Variants in SPTBN5 observed in about 807,000 individuals in gnomAD.
SPTBN5 encodes spectrin beta chain, non-erythrocytic 5.
Under a neutral mutation model 477.6 loss-of-function variants are expected in SPTBN5, and 513 were observed. That is an observed-to-expected ratio of 1.07 (90% confidence interval 1.00 to 1.16). The LOEUF (loss-of-function observed/expected upper bound fraction) is 1.16, where lower values mean the gene tolerates loss of function less well. Ranked by LOEUF, SPTBN5 falls within the 50% of genes most tolerant of loss-of-function variation. The pLI is 0.00. For missense variants in SPTBN5, 5,062 were observed against 4,731.8 expected, an observed-to-expected ratio of 1.07 and a Z score of -2.05; for synonymous variants, 2,169 against 2,011.7, an observed-to-expected ratio of 1.08 and a Z score of -2.09.
rs777193635 is a variant in SPTBN5 at position 41,851,789 on chromosome 15, C to A, written c.10646G>T (p.Gly3549Val). The A allele has an allele frequency of 6.2e-7, 1 of 1,609,328 alleles. No individual in the cohort carries two copies. Among genetic ancestry groups the A allele is most frequent in the Non-Finnish European group, 8.5e-7 (1 of 1,178,488 alleles). ...SLEFKQHLLPGGRQPSSSSWD... is the reference protein window; with the variant it reads ...SLEFKQHLLPVGRQPSSSSWD... ...TCTCCAGGCACTCACCTGCCTCCCGCCAGGCAGCAGGTGCTGCTTGAACTC... is the reference window on the plus strand; with the variant it reads ...TCTCCAGGCACTCACCTGCCTCCCGACAGGCAGCAGGTGCTGCTTGAACTC... The change falls in exon 63 of 68, where the codon GGC becomes GTC. Residue 3549 changes from glycine to valine, a missense_variant. Coordinates refer to ENST00000320955, the MANE Select transcript of SPTBN5 (RefSeq NM_016642.4).
intron 27 of SPTBN5, 143 bp downstream of exon 27, chr15:41,872,159 G>A (rs949442038): frequency 2.4e-5 from 28 of 1,174,122 alleles, no homozygotes; most frequent in Admixed American, 8.5e-5. Context: ...ATGGAAAGAG[G>A]TGAGCAACAC....
At chr15:41,876,731 C>A (rs932227616) in intron 19 of SPTBN5, 78 bp downstream of exon 19, 3 of 1,596,244 alleles carry the variant, frequency 1.9e-6, no homozygotes, top group Non-Finnish European at 2.6e-6. Context: ...ACCCCCTACT[C>A]TCCCAGCCCT....
Position 41,889,950 on chromosome 15 carries a change from G to A in SPTBN5, c.501+139C>T, listed in dbSNP as rs1197696. On this transcript the variant is annotated intron_variant, in intron 4 of 67. Coordinates refer to ENST00000320955, the MANE Select transcript of SPTBN5 (RefSeq NM_016642.4). ...GGTTCTTCACCCATGGTTGGAGAGT[G>A]AATATGGACTTTGCAGTTTCCAGGA... The A allele has an allele frequency of 0.02, 12,349 of 623,520 alleles. 1,133 individuals carry two copies. In the African/African-American group the frequency reaches 0.2, roughly 10 times the overall value. 38.6% of individuals were successfully genotyped at this position (623,520 alleles called of 1,614,324 possible).
Position 41,860,759 on chromosome 15 carries a change from C to A in SPTBN5, c.7816-1G>T. Reference sequence around the variant, plus strand: ...GGGGCTCCATGGGGGCCAAGGGGTCCTGGTGGGAGTGGGGAACCCAATACT... The same window carrying A: ...GGGGCTCCATGGGGGCCAAGGGGTCATGGTGGGAGTGGGGAACCCAATACT... On this transcript the variant is annotated splice_acceptor_variant, in intron 46 of 67. Transcript: ENST00000320955. LOFTEE classifies it high-confidence loss of function. 1 of 1,576,776 alleles carries A rather than the reference C, an allele frequency of 6.3e-7. No individual in the cohort carries two copies. Among genetic ancestry groups the A allele is most frequent in the Non-Finnish European group, 8.6e-7 (1 of 1,163,190 alleles).
At position 41,856,480 on chromosome 15, in the gene SPTBN5, TG is replaced by T. The variant is rs1328756541; in HGVS notation, c.8926del (p.Gln2976SerfsTer30). 2 of 1,597,026 alleles carry T rather than the reference TG, an allele frequency of 1.3e-6. No individual in the cohort carries two copies. The highest frequency in any genetic ancestry group is 3.6e-4 in the Middle Eastern group (2 of 5,576). On this transcript the variant is annotated frameshift_variant, in exon 53 of 68. Coordinates refer to ENST00000320955, the MANE Select transcript of SPTBN5 (RefSeq NM_016642.4). LOFTEE classifies it high-confidence loss of function. ...AAHEVAARVQ[Q>X]LEKAMAHLRA... The stretch of plus-strand genomic sequence containing the variant: ...CAGGTGGGCCATGGCCTTCTCCAGC[TG>T]CTGCACCCGGGCGGCCACCTCGTGG...
chr15:41,877,296 T>A lies in SPTBN5; in HGVS notation c.3531A>T (p.Gln1177His), dbSNP rs765048017. 2.5e-6 allele frequency: 4 copies of A among 1,613,286 alleles called. No individual in the cohort carries two copies. Among genetic ancestry groups the A allele is most frequent in the Non-Finnish European group, 3.4e-6 (4 of 1,179,666 alleles). ...PMAALDCPDS[Q>H]EVPNTLRVLG... The stretch of plus-strand genomic sequence containing the variant: ...GGACCCTCAGAGTGTTGGGCACCTC[T>A]TGGGAGTCTGGGCAGTCCAAGGCTG... Residue 1177 changes from glutamine (Q) to histidine (H), a missense_variant, in exon 18 of 68, where the codon CAA becomes CAT. By Grantham distance (24) the Gln-to-His change is conservative. Coordinates refer to ENST00000320955, the MANE Select transcript of SPTBN5 (RefSeq NM_016642.4).
intron 63 of SPTBN5, 44 bp from the exon 64 acceptor site, chr15:41,851,413 A>T: frequency 7.0e-7 from 1 of 1,423,754 alleles, no homozygotes. Context: ...ACACGCAGGA[A>T]GCCAGAGCTA....
chr15:41,860,452 G>T, intron 47 of SPTBN5, 134 bp downstream of exon 47: 1 of 991,376 alleles, frequency 1.0e-6, no homozygotes, highest in Non-Finnish European at 1.3e-6. Flanking sequence ...GGGACCCCCG[G>T]CATCTGACCT....
At position 41,858,972 on chromosome 15, in the gene SPTBN5, G is replaced by T; in HGVS notation, c.7997C>A (p.Ala2666Glu). Residue 2666 changes from alanine (A) to glutamate (E), a missense_variant, in exon 48 of 68, where the codon GCG (alanine) becomes GAG (glutamate). Ala to Glu is a moderately radical substitution (Grantham distance 107). Coordinates refer to ENST00000320955, the MANE Select transcript of SPTBN5 (RefSeq NM_016642.4). ...RCQAMLLRKE[A>E]LFRQAGTRRH... ...GCGGGTCCCGGCTTGCCTGAAGAGC[G>T]CCTCCTTCCTGCCAGGAGGAGAGGC... 2 of 1,558,846 alleles carry T rather than the reference G, an allele frequency of 1.3e-6. No homozygotes were observed. The highest frequency in any genetic ancestry group is 1.7e-6 in the Non-Finnish European group (2 of 1,152,432).
intron 45 of SPTBN5, 79 bp downstream of exon 45, chr15:41,861,656 C>T: frequency 6.6e-7 from 1 of 1,507,432 alleles, no homozygotes; most frequent in Admixed American, 2.0e-5. Flanking sequence ...CCAGTCTTAG[C>T]CTTGACCAGA....
intron 47 of SPTBN5, among the ~76,000 whole-genome samples, chr15:41,860,119 C>G (rs1209929095): frequency 6.6e-6 from 1 of 152,214 alleles, no homozygotes; most frequent in Non-Finnish European, 1.5e-5. Context: ...GCTAGCCTGC[C>G]TGTGGGGCCA....
chr15:41,884,048 C>T (rs1410331894), intron 7 of SPTBN5, among the ~76,000 whole-genome samples: 10 of 152,202 alleles, frequency 6.6e-5, no homozygotes, highest in African/African-American at 1.9e-4. Context: ...TGCGGTGGCA[C>T]GATCTCGGCT....
In SPTBN5 at chr15:41,862,919, G is replaced by T. The variant is rs148666427; in HGVS notation, c.7150-16C>A. The T allele has an allele frequency of 1.4e-4, 223 of 1,558,224 alleles. No individual in the cohort carries two copies. Among genetic ancestry groups the T allele is most frequent in the Non-Finnish European group, 1.8e-4 (213 of 1,151,888 alleles). On this transcript the variant is annotated splice_polypyrimidine_tract_variant and intron_variant, in intron 41 of 67. Transcript: ENST00000320955. ...TCAGGGCTTCCTGGAGGAGGGGCAC[G>T]GCCAGTTACCTGCTGGGCCTTTGCT...
chr15:41,850,022 G>A (rs1240219821), intron 66 of SPTBN5, 63 bp from the exon 67 acceptor site: 2 of 1,361,524 alleles, frequency 1.5e-6, no homozygotes, highest in East Asian at 2.5e-5. Flanking sequence ...GCCAGGTCTG[G>A]CTGCTCCTTC....
At chr15:41,851,591 G>GGGT (rs2065766372) in intron 63 of SPTBN5, among the ~76,000 whole-genome samples, 188 bp downstream of exon 63, 1 of 149,810 alleles carries the variant, frequency 6.7e-6, no homozygotes, top group Non-Finnish European at 1.5e-5. Flanking sequence ...TGGTGGGGGT[G>GGGT]GGTAGGTGGG....
At position 41,868,484 on chromosome 15, in the gene SPTBN5, C is replaced by T. The variant is rs1235993754; in HGVS notation, c.5971G>A (p.Glu1991Lys). 8.1e-6 allele frequency: 13 copies of T among 1,611,420 alleles called. No individual in the cohort carries two copies. Among genetic ancestry groups the T allele is most frequent in the African/African-American group, 1.3e-5 (1 of 75,050 alleles). ...KLSAHQWLRA[E>K]LEAREKLWQQ... ...CACAGCTTCTCCCGGGCCTCCAGCTCCGCCCGGAGCCACTGGTGGGCACTG... is the reference window on the plus strand; with the variant it reads ...CACAGCTTCTCCCGGGCCTCCAGCTTCGCCCGGAGCCACTGGTGGGCACTG... The change falls in exon 33 of 68, where the codon GAG becomes AAG. Residue 1991 changes from glutamate to lysine, a missense_variant. Coordinates refer to ENST00000320955, the MANE Select transcript of SPTBN5 (RefSeq NM_016642.4).
chr15:41,870,240 C>T lies in SPTBN5; in HGVS notation c.5673+3G>A, dbSNP rs2066486569. ...GGTCGGAGAGGCAGCCAGCTGGGCT[C>T]ACCTGCCGCTCGGTGCCCACGAGTT... On this transcript the variant is annotated splice_donor_region_variant and intron_variant, in intron 31 of 67. Transcript: ENST00000320955. 6.5e-7 allele frequency: 1 copy of T among 1,547,912 alleles called. No homozygotes were observed. Among genetic ancestry groups the T allele is most frequent in the Non-Finnish European group, 8.7e-7 (1 of 1,146,318 alleles).
chr15:41,857,070 G>T lies in SPTBN5; in HGVS notation c.8622-31C>A, dbSNP rs753268547. The T allele has an allele frequency of 5.1e-5, 81 of 1,581,362 alleles. 1 individual carries two copies. The South Asian group carries it at 7.6e-4, about 15-fold the overall frequency. On this transcript the variant is annotated intron_variant, in intron 51 of 67. Transcript: ENST00000320955. ...GCGGTGGAGGGTGGGACCAAGGGAG[G>T]CAGGGACCAGGGTGTCAGTATTAGG...
At position 41,850,903 on chromosome 15, in the gene SPTBN5, C is replaced by T. The variant is rs369869947; in HGVS notation, c.10872G>A (p.Pro3624=). The T allele has an allele frequency of 1.1e-4, 180 of 1,603,940 alleles. 1 individual carries two copies. Among genetic ancestry groups the T allele is most frequent in the African/African-American group, 1.5e-4 (11 of 74,646 alleles). Reference sequence around the variant, plus strand: ...ACCAGCTCTCAGCCTGCTCTTCGGACGGTGCTGCAAACAGGATCTCTGCCC... The same window carrying T: ...ACCAGCTCTCAGCCTGCTCTTCGGATGGTGCTGCAAACAGGATCTCTGCCC... ...TSGAEILFAA[P]SEEQAESWWR... is the part of the protein sequence containing the mutation. The change falls in exon 66 of 68, where the codon CCG becomes CCA. Residue 3624 remains proline (P), a synonymous_variant. Transcript: ENST00000320955.
Sources: allele counts gnomAD v4.1 joint callset (sites outside exome capture counted in the v4.1 genomes callset), GRCh38; gene constraint gnomAD v4.1.1; transcripts MANE v1.5; gene names NCBI Gene and HGNC (gene_info 2026-07-23, HGNC 2026-07-21).